Variants in PCDHGB3 observed in about 807,000 individuals in gnomAD.
PCDHGB3 encodes protocadherin gamma subfamily B, 3.
A neutral mutation model predicts 59.2 loss-of-function variants in PCDHGB3; 40 were observed. The ratio of observed to expected loss-of-function variants is 0.68; its 90% confidence interval spans 0.52 to 0.88. The LOEUF is 0.88. PCDHGB3 is among the 40% of genes least tolerant of loss of function. The pLI is 0.00. For synonymous variants in PCDHGB3, 581 were observed against 503.6 expected, an observed-to-expected ratio of 1.15 and a Z score of -2.06; for missense variants, 1,309 against 1,187.9, an observed-to-expected ratio of 1.10 and a Z score of -1.50.
intron 1 of PCDHGB3, chr5:141,414,659 T>A (rs566999623): frequency 6.2e-7 from 1 of 1,614,010 alleles, no homozygotes; most frequent in South Asian, 1.1e-5. Flanking sequence ...ATTTACTCCC[T>A]GGCTGAAGAC....
chr5:141,489,151 A>G lies in PCDHGB3; in HGVS notation c.2416-5656A>G. On this transcript the variant is annotated intron_variant, in intron 1 of 3. Transcript: ENST00000576222. This position sits in a 1 kb window ranked among gnomAD's most constrained non-coding sequence, Gnocchi z 4.5. ...TTTTTAAGAGGCTGGAAGGAGACAT[A>G]AGAGACTTCAGCTGCTGCATTCCAA... is the stretch of plus-strand genomic sequence containing the variant. The G allele has an allele frequency of 4.3e-6, 4 of 932,968 alleles. No individual in the cohort carries two copies. Among genetic ancestry groups the G allele is most frequent in the Non-Finnish European group, 6.4e-6 (4 of 622,052 alleles). 57.8% of individuals were successfully genotyped at this position (932,968 alleles called of 1,614,324 possible).
intron 1 of PCDHGB3, chr5:141,409,041 A>T: frequency 6.2e-7 from 1 of 1,613,982 alleles, no homozygotes; most frequent in Non-Finnish European, 8.5e-7. Flanking sequence ...ATAAACTACT[A>T]CTTCCGAAGC....
chr5:141,402,110 T>G (rs900421956), intron 1 of PCDHGB3, among the ~76,000 whole-genome samples: 1 of 152,150 alleles, frequency 6.6e-6, no homozygotes, highest in Admixed American at 6.5e-5. Context: ...ATTACAAAAA[T>G]GTGAAAATTT....
At position 141,489,384 on chromosome 5, in the gene PCDHGB3, T is replaced by G; in HGVS notation, c.2416-5423T>G. The G allele has an allele frequency of 6.2e-7, 1 of 1,613,986 alleles. No individual in the cohort carries two copies. The highest frequency in any genetic ancestry group is 1.3e-5 in the African/African-American group (1 of 75,042). On this transcript the variant is annotated intron_variant, in intron 1 of 3. Transcript: ENST00000576222. This position sits in a 1 kb window ranked among gnomAD's most constrained non-coding sequence, Gnocchi z 4.5. ...AGCCGGGGACGCTGGTGGGGAATGT[T>G]GCTCAGGATCTGGGCTTAAAGATGA...
At position 141,403,340 on chromosome 5, in the gene PCDHGB3, G is replaced by GC. The variant is rs1435471755; in HGVS notation, c.2415+30535dup. The GC allele has an allele frequency of 5.6e-6, 9 of 1,613,982 alleles. No homozygotes were observed. In the South Asian group the frequency reaches 9.9e-5, roughly 18 times the overall value. ...AGAAGTAACTGATATTAACGACAGCGCCCCAAAGTTCCAGGCCGAAAGTCT... is the reference window on the plus strand; with the variant it reads ...AGAAGTAACTGATATTAACGACAGCGCCCCCAAAGTTCCAGGCCGAAAGTCT... On this transcript the variant is annotated intron_variant, in intron 1 of 3. Transcript: ENST00000576222.
intron 3 of PCDHGB3, 56 bp from the exon 4 acceptor site, chr5:141,510,891 G>A (rs945706652): frequency 8.7e-6 from 14 of 1,612,762 alleles, no homozygotes; most frequent in Middle Eastern, 1.6e-4. Flanking sequence ...ATATAAGACA[G>A]TGACTGTTGA....
At chr5:141,375,517 C>T (rs1399312320) in intron 1 of PCDHGB3, 3 of 1,614,038 alleles carry the variant, frequency 1.9e-6, no homozygotes, top group Non-Finnish European at 1.7e-6. Flanking sequence ...ATGCACTGGA[C>T]CCTGACGTGG....
intron 1 of PCDHGB3, chr5:141,415,661 T>C: frequency 6.3e-7 from 1 of 1,582,308 alleles, no homozygotes; most frequent in East Asian, 2.3e-5. Flanking sequence ...AAGATTGGTT[T>C]TTACTTTGAA....
intron 1 of PCDHGB3, chr5:141,391,745 C>T (rs1371260062): frequency 6.6e-6 from 1 of 152,116 alleles, no homozygotes; most frequent in African/African-American, 2.4e-5. Flanking sequence ...CATACTTATC[C>T]TTTGGCTTCT....
intron 1 of PCDHGB3, chr5:141,400,460 G>GTGAT (rs760132234): frequency 6.2e-7 from 1 of 1,613,938 alleles, no homozygotes. Context: ...ATACTTTGTG[G>GTGAT]TGATTCATCT....
At position 141,486,243 on chromosome 5, in the gene PCDHGB3, G is replaced by A. The variant is rs754924567; in HGVS notation, c.2416-8564G>A. 18 of 1,614,156 alleles carry A rather than the reference G, an allele frequency of 1.1e-5. No individual in the cohort carries two copies. The highest frequency in any genetic ancestry group is 1.4e-5 in the Non-Finnish European group (16 of 1,180,018). ...TACATCACAGTGACCTCAGAGCTTG[G>A]AACCCTCCCCGAGAGTGCAGAACCT... On this transcript the variant is annotated intron_variant, in intron 1 of 3. Coordinates refer to ENST00000576222, the MANE Select transcript of PCDHGB3 (RefSeq NM_018924.5). This position sits in a 1 kb window ranked among gnomAD's most constrained non-coding sequence, Gnocchi z 5.0.
Position 141,371,006 on chromosome 5 carries a change from G to T in PCDHGB3, c.612G>T (p.Glu204Asp). 1 of 1,613,750 alleles carries T rather than the reference G, an allele frequency of 6.2e-7. No homozygotes were observed. The highest frequency in any genetic ancestry group is 8.5e-7 in the Non-Finnish European group (1 of 1,179,892). The change falls in exon 1 of 4, where the codon GAG becomes GAT. Residue 204 changes from glutamate (E) to aspartate (D), a missense_variant. Glu to Asp is a conservative substitution (Grantham distance 45). Transcript: ENST00000576222. ...LVLKAPLDRE[E>D]QPHHHLVLTA... ...TGAAAGCACCCCTGGACAGGGAAGAGCAGCCACATCACCACCTGGTCCTCA... is the reference window on the plus strand; with the variant it reads ...TGAAAGCACCCCTGGACAGGGAAGATCAGCCACATCACCACCTGGTCCTCA...
intron 1 of PCDHGB3, chr5:141,403,224 A>G (rs753308307): frequency 2.0e-5 from 32 of 1,613,820 alleles, no homozygotes; most frequent in Non-Finnish European, 2.5e-5. Context: ...GGTAGGATAG[A>G]CCGGGAGGAG....
At chr5:141,411,771 A>C (rs2095514402) in intron 1 of PCDHGB3, 1 of 151,946 alleles carries the variant, frequency 6.6e-6, no homozygotes, top group Non-Finnish European at 1.5e-5. Flanking sequence ...GGTCTCAGCT[A>C]CTCTGGTGGC....
At chr5:141,400,830 T>G (rs1194053653) in intron 1 of PCDHGB3, among the ~76,000 whole-genome samples, 2 of 152,244 alleles carry the variant, frequency 1.3e-5, no homozygotes, top group African/African-American at 2.4e-5. Flanking sequence ...GTTGTCTCAT[T>G]CTTTAACATG....
In PCDHGB3 at chr5:141,372,236, C is replaced by T. The variant is rs777727544; in HGVS notation, c.1842C>T (p.Pro614=). The T allele has an allele frequency of 2.7e-5, 44 of 1,613,204 alleles. No homozygotes were observed. Among genetic ancestry groups the T allele is most frequent in the Non-Finnish European group, 3.6e-5 (42 of 1,179,822 alleles). The change falls in exon 1 of 4, where the codon CCC becomes CCT. Residue 614 remains proline (P), a synonymous_variant. Transcript: ENST00000576222. The stretch of plus-strand genomic sequence containing the variant: ...ACCACATTGTGCAGGCCAGCGAGCC[C>T]GGGCTGTTCAGCCTGGGCCTGCGCA... The part of the protein sequence containing the change: ...LSYHIVQASE[P]GLFSLGLRTG...
In PCDHGB3 at chr5:141,490,647, G is replaced by T; in HGVS notation, c.2416-4160G>T. 6.2e-7 allele frequency: 1 copy of T among 1,614,084 alleles called. No homozygotes were observed. Among genetic ancestry groups the T allele is most frequent in the Non-Finnish European group, 8.5e-7 (1 of 1,180,014 alleles). ...CTTACATCCTAGAAAACCGGCCTCCGGGCTCCCTTCTTTGCACTGTGGCTG... is the reference window on the plus strand; with the variant it reads ...CTTACATCCTAGAAAACCGGCCTCCTGGCTCCCTTCTTTGCACTGTGGCTG... On this transcript the variant is annotated intron_variant, in intron 1 of 3. Transcript: ENST00000576222. This position sits in a 1 kb window ranked among gnomAD's most constrained non-coding sequence, Gnocchi z 5.4.
In PCDHGB3 at chr5:141,493,356, C is replaced by G. The variant is rs1303319550; in HGVS notation, c.2416-1451C>G. On this transcript the variant is annotated intron_variant, in intron 1 of 3. Transcript: ENST00000576222. The surrounding 1 kb of genome is among the most constrained non-coding windows in gnomAD (Gnocchi z 4.3). ...ACTCCAGAATGTGTGCTTTTAATTT[C>G]TTGGCACTTGGAACTTTAAAAGCTT... Among the ~76,000 whole-genome samples the G allele has an allele frequency of 6.6e-6, 1 of 152,182 alleles. No individual in the cohort carries two copies. The highest frequency in any genetic ancestry group is 1.5e-5 in the Non-Finnish European group (1 of 68,032).
chr5:141,413,909 T>C, intron 1 of PCDHGB3: 2 of 1,613,316 alleles, frequency 1.2e-6, no homozygotes, highest in Non-Finnish European at 1.7e-6. Context: ...AACGCGCCGG[T>C]CTTCACCTTG....
Sources: allele counts gnomAD v4.1 joint callset (sites outside exome capture counted in the v4.1 genomes callset), GRCh38; gene constraint gnomAD v4.1.1; non-coding constraint Gnocchi (gnomAD v3.1); transcripts MANE v1.5; gene names NCBI Gene and HGNC (gene_info 2026-07-23, HGNC 2026-07-21).